CNTN5: variants seen among roughly 807,000 people sequenced by gnomAD.
The protein encoded by CNTN5 is contactin-5.
Under a neutral mutation model 129.1 loss-of-function variants are expected in CNTN5, and 77 were observed. That is an observed-to-expected ratio of 0.60 (90% CI 0.50 to 0.72). CNTN5 has a LOEUF of 0.72. CNTN5 is among the 30% of genes least tolerant of loss of function. The pLI is 0.00. For synonymous variants in CNTN5, 509 were observed against 465.6 expected, an observed-to-expected ratio of 1.09 and a Z score of -1.20; for missense variants, 1,478 against 1,328.8, an observed-to-expected ratio of 1.11 and a Z score of -1.75.
intron 1 of CNTN5, among the ~76,000 whole-genome samples, chr11:99,192,538 A>G (rs924224610): frequency 2.6e-5 from 4 of 151,974 alleles, no homozygotes; most frequent in Non-Finnish European, 5.9e-5. Flanking sequence ...TTTGAATAAC[A>G]TTAGATACTA....
chr11:99,898,544 T>C (rs1949269741), intron 6 of CNTN5, among the ~76,000 whole-genome samples: 1 of 152,064 alleles, frequency 6.6e-6, no homozygotes, highest in Non-Finnish European at 1.5e-5. Flanking sequence ...TCAACAAATA[T>C]AAATTAAATG....
At chr11:99,770,056 T>C (rs1944892502) in intron 3 of CNTN5, among the ~76,000 whole-genome samples, 1 of 152,142 alleles carries the variant, frequency 6.6e-6, no homozygotes, top group Non-Finnish European at 1.5e-5. Context: ...TCAAGGATTT[T>C]TTGTTTTCTC....
chr11:99,021,405 T>G (rs1862864302), intron 1 of CNTN5, 135 bp downstream of exon 1: 1 of 152,210 alleles, frequency 6.6e-6, no homozygotes, highest in Non-Finnish European at 1.5e-5. Flanking sequence ...ATGTAAAAAC[T>G]GTAAGATGAA....
At chr11:100,125,275 C>A (rs988281386) in intron 13 of CNTN5, among the ~76,000 whole-genome samples, 1 of 151,938 alleles carries the variant, frequency 6.6e-6, no homozygotes, top group Non-Finnish European at 1.5e-5. Context: ...GATTCTGTCA[C>A]CCAGGTACTG....
At chr11:100,007,483 C>T (rs193059079) in intron 9 of CNTN5, among the ~76,000 whole-genome samples, 26 of 152,214 alleles carry the variant, frequency 1.7e-4, no homozygotes, top group African/African-American at 5.5e-4. Context: ...GAAGTTTTCA[C>T]ATCAGCACTT....
intron 13 of CNTN5, among the ~76,000 whole-genome samples, chr11:100,156,507 C>T (rs1004207775): frequency 1.3e-5 from 2 of 151,980 alleles, no homozygotes; most frequent in Non-Finnish European, 2.9e-5. Flanking sequence ...CAGGATGATG[C>T]TGGCCTCATA....
chr11:99,769,918 A>G (rs541452844), intron 3 of CNTN5, among the ~76,000 whole-genome samples: 16 of 152,244 alleles, frequency 1.1e-4, no homozygotes, highest in African/African-American at 3.9e-4. Context: ...AACTATTGCA[A>G]TGCAGTGTGA....
chr11:99,146,400 A>G (rs1222480103), intron 1 of CNTN5, among the ~76,000 whole-genome samples: 1 of 152,174 alleles, frequency 6.6e-6, no homozygotes. Flanking sequence ...TTCTGAATAC[A>G]AAAATTATGC....
At chr11:99,739,047 C>T (rs1943807140) in intron 3 of CNTN5, among the ~76,000 whole-genome samples, 1 of 152,026 alleles carries the variant, frequency 6.6e-6, no homozygotes, top group Admixed American at 6.6e-5. Context: ...TCTTCTGGGG[C>T]CTAGTACCCT....
chr11:99,038,585 G>A (rs2135126937), intron 1 of CNTN5, among the ~76,000 whole-genome samples: 2 of 152,086 alleles, frequency 1.3e-5, no homozygotes, highest in Middle Eastern at 3.4e-3. Context: ...CGCCTTCATT[G>A]CTTGTTACAA....
At chr11:100,073,082 T>C (rs985576661) in intron 12 of CNTN5, among the ~76,000 whole-genome samples, 1 of 149,464 alleles carries the variant, frequency 6.7e-6, no homozygotes, top group East Asian at 2.1e-4. Flanking sequence ...AAAATCTCAC[T>C]GTCGCTCAGG....
chr11:99,925,747 T>G, intron 7 of CNTN5, among the ~76,000 whole-genome samples: 1 of 152,082 alleles, frequency 6.6e-6, no homozygotes, highest in African/African-American at 2.4e-5. Flanking sequence ...TTCTAAATAC[T>G]TCTTCTTCAA....
At chr11:99,089,388 T>G (rs1866141390) in intron 1 of CNTN5, among the ~76,000 whole-genome samples, 1 of 152,230 alleles carries the variant, frequency 6.6e-6, no homozygotes, top group South Asian at 2.1e-4. Context: ...ATAGATCAAC[T>G]ATTTTATTCT....
intron 6 of CNTN5, among the ~76,000 whole-genome samples, chr11:99,913,614 CT>C (rs1949716538): frequency 6.6e-6 from 1 of 152,014 alleles, no homozygotes; most frequent in African/African-American, 2.4e-5. Flanking sequence ...GAAGTATCAT[CT>C]TTTGGGTCAT....
At chr11:99,380,467 G>T (rs1940473255) in intron 2 of CNTN5, among the ~76,000 whole-genome samples, 1 of 152,036 alleles carries the variant, frequency 6.6e-6, no homozygotes, top group Non-Finnish European at 1.5e-5. Flanking sequence ...TGTCAGATTT[G>T]TTCATTCAAA....
chr11:99,038,685 T>G (rs2135127193), intron 1 of CNTN5, among the ~76,000 whole-genome samples: 1 of 152,046 alleles, frequency 6.6e-6, no homozygotes, highest in South Asian at 2.1e-4. Flanking sequence ...CTTTTCATTT[T>G]TTACATCATT....
chr11:99,363,740 G>C (rs756907940), intron 2 of CNTN5, among the ~76,000 whole-genome samples: 14 of 152,050 alleles, frequency 9.2e-5, no homozygotes, highest in African/African-American at 1.2e-4. Flanking sequence ...AGGAAAACAG[G>C]ACAGTGAGAA....
chr11:99,293,301 C>CT (rs1421386290), intron 1 of CNTN5, among the ~76,000 whole-genome samples: 2 of 152,078 alleles, frequency 1.3e-5, no homozygotes, highest in African/African-American at 2.4e-5. Flanking sequence ...GGTGAATGAT[C>CT]TTTTTAACAT....
In CNTN5 at chr11:99,792,881, T is replaced by A. The variant is rs140164792; in HGVS notation, c.56-26663T>A. 2.1e-3 allele frequency among the ~76,000 whole-genome samples: 326 copies of A among 152,218 alleles called. 3 individuals are homozygous for A. The highest frequency in any genetic ancestry group is 7.2e-3 in the African/African-American group (301 of 41,532). ...GGTTGTATGTTTCCAGGAACTTATCTGTTTCTTTTAGGTTTTGTAGCTTGT... is the reference window on the plus strand; with the variant it reads ...GGTTGTATGTTTCCAGGAACTTATCAGTTTCTTTTAGGTTTTGTAGCTTGT... On this transcript the variant is annotated intron_variant, in intron 3 of 24. Transcript: ENST00000524871.
Sources: allele counts gnomAD v4.1 joint callset (sites outside exome capture counted in the v4.1 genomes callset), GRCh38; gene constraint gnomAD v4.1.1; transcripts MANE v1.5; gene names NCBI Gene and HGNC (gene_info 2026-07-23, HGNC 2026-07-21).